The following HS6ST3 variants were observed in gnomAD, a reference collection of about 807,000 sequenced individuals.
The protein encoded by HS6ST3 is heparan sulfate 6-O-sulfotransferase 3, also known as heparan-sulfate 6-O-sulfotransferase 3.
In HS6ST3, 12 loss-of-function variants were observed where a neutral mutation model predicts 36.7. That is an observed-to-expected ratio of 0.33 (90% CI 0.21 to 0.53). HS6ST3 has a LOEUF of 0.53. Ranked by LOEUF, HS6ST3 falls within the 20% of genes least tolerant of loss-of-function variation. The pLI, the probability that HS6ST3 is intolerant of heterozygous loss-of-function variation, is 0.95. For missense variants in HS6ST3, 584 were observed against 640.9 expected, an observed-to-expected ratio of 0.91 and a Z score of 0.96; for synonymous variants, 240 against 257.5, an observed-to-expected ratio of 0.93 and a Z score of 0.65.
At chr13:96,689,597 T>G (rs1313085220) in intron 1 of HS6ST3, among the ~76,000 whole-genome samples, 2 of 77,110 alleles carry the variant, frequency 2.6e-5, no homozygotes, top group Admixed American at 3.8e-4. Flanking sequence ...GTTTTTGCTT[T>G]CTTTCTTTCT....
At chr13:96,389,989 T>G (rs927319798) in intron 1 of HS6ST3, among the ~76,000 whole-genome samples, 1 of 152,172 alleles carries the variant, frequency 6.6e-6, no homozygotes, top group Non-Finnish European at 1.5e-5. Context: ...AAACTTGGTG[T>G]GTAATTTCTT....
At chr13:96,593,249 T>A (rs1217765202) in intron 1 of HS6ST3, among the ~76,000 whole-genome samples, 20 of 136,672 alleles carry the variant, frequency 1.5e-4, no homozygotes, top group Non-Finnish European at 3.1e-4. Context: ...AGTGGTGTGA[T>A]CTTGGTTCAC....
At chr13:96,188,986 G>T (rs1312647943) in intron 1 of HS6ST3, among the ~76,000 whole-genome samples, 2 of 152,014 alleles carry the variant, frequency 1.3e-5, no homozygotes, top group East Asian at 3.8e-4. Flanking sequence ...CACGAATATG[G>T]TATTAAATCC....
At chr13:96,412,697 T>G (rs1238220391) in intron 1 of HS6ST3, among the ~76,000 whole-genome samples, 1 of 152,002 alleles carries the variant, frequency 6.6e-6, no homozygotes, top group Non-Finnish European at 1.5e-5. Flanking sequence ...AAGGTTTCTG[T>G]TGGATCTCTT....
chr13:96,628,717 CT>C (rs1163575708), intron 1 of HS6ST3, among the ~76,000 whole-genome samples: 1 of 152,000 alleles, frequency 6.6e-6, no homozygotes. Flanking sequence ...TTTTTAATCA[CT>C]TTTTTTCCTC....
At chr13:96,092,132 C>T (rs957724997) in intron 1 of HS6ST3, among the ~76,000 whole-genome samples, 6 of 152,168 alleles carry the variant, frequency 3.9e-5, no homozygotes, top group African/African-American at 7.2e-5. Context: ...AATTCCTGTT[C>T]TACCGCGATA....
rs558121292 is a variant in HS6ST3 at position 96,734,910 on chromosome 13, G to A, written c.708-97580G>A. Among the ~76,000 whole-genome samples, 6 of 152,054 alleles carry A rather than the reference G, an allele frequency of 3.9e-5. No individual in the cohort carries two copies. The South Asian group carries it at 6.2e-4, about 16-fold the overall frequency. ...TTTTTTTTCAGTTGAGGAGTCATGA[G>A]TACCTTTAAGCTTTGAGGTGCTAAT... On this transcript the variant is annotated intron_variant, in intron 1 of 1. Coordinates refer to ENST00000376705, the MANE Select transcript of HS6ST3 (RefSeq NM_153456.4).
At chr13:96,452,537 T>C (rs973775491) in intron 1 of HS6ST3, among the ~76,000 whole-genome samples, 5 of 138,484 alleles carry the variant, frequency 3.6e-5, no homozygotes, top group Admixed American at 2.8e-4. Flanking sequence ...TTTAAGAAAA[T>C]TATATTAGCT....
chr13:96,784,002 T>C (rs909797032), intron 1 of HS6ST3, among the ~76,000 whole-genome samples: 2 of 152,152 alleles, frequency 1.3e-5, no homozygotes, highest in African/African-American at 4.8e-5. Flanking sequence ...GAGGCCTCTC[T>C]TGATCTTCAT....
Position 96,147,969 on chromosome 13 carries a change from A to C in HS6ST3, c.707+56400A>C, listed in dbSNP as rs978980860. On this transcript the variant is annotated intron_variant, in intron 1 of 1. Coordinates refer to ENST00000376705, the MANE Select transcript of HS6ST3 (RefSeq NM_153456.4). ...GTGCTCTGGACAATTTTCAAATTGCAAACATTTATTCACTGATTTCACCAC... is the reference window on the plus strand; with the variant it reads ...GTGCTCTGGACAATTTTCAAATTGCCAACATTTATTCACTGATTTCACCAC... Among the ~76,000 whole-genome samples, 8 of 152,342 alleles carry C rather than the reference A, an allele frequency of 5.3e-5. No individual in the cohort carries two copies. In the South Asian group the frequency reaches 1.7e-3, roughly 32 times the overall value.
chr13:96,769,893 A>G, intron 1 of HS6ST3, among the ~76,000 whole-genome samples: 1 of 152,128 alleles, frequency 6.6e-6, no homozygotes, highest in East Asian at 1.9e-4. Context: ...CAGCAATTTA[A>G]AATAATCTAG....
intron 1 of HS6ST3, among the ~76,000 whole-genome samples, chr13:96,494,641 G>A (rs1305071738): frequency 6.6e-6 from 1 of 151,190 alleles, no homozygotes; most frequent in Non-Finnish European, 1.5e-5. Flanking sequence ...TAGAAAATTT[G>A]AAACATCCTG....
Position 96,655,720 on chromosome 13 carries a change from T to A in HS6ST3, c.708-176770T>A, listed in dbSNP as rs561826328. ...AACAAAGTCACCAAATTCCTACTGATCTTGTCCCTTCCATACTAACCAGAT... is the reference window on the plus strand; with the variant it reads ...AACAAAGTCACCAAATTCCTACTGAACTTGTCCCTTCCATACTAACCAGAT... On this transcript the variant is annotated intron_variant, in intron 1 of 1. Transcript: ENST00000376705. Among the ~76,000 whole-genome samples the A allele has an allele frequency of 8.5e-5, 13 of 152,208 alleles. No homozygotes were observed. In the South Asian group the frequency reaches 2.5e-3, roughly 29 times the overall value.
chr13:96,320,539 G>T (rs2054998102), intron 1 of HS6ST3, among the ~76,000 whole-genome samples: 1 of 152,190 alleles, frequency 6.6e-6, no homozygotes, highest in Non-Finnish European at 1.5e-5. Context: ...AACACAGAAG[G>T]CTTGAAAATG....
At chr13:96,392,517 G>T (rs931328560) in intron 1 of HS6ST3, among the ~76,000 whole-genome samples, 1 of 152,134 alleles carries the variant, frequency 6.6e-6, no homozygotes, top group Non-Finnish European at 1.5e-5. Context: ...CAGAGCGTTG[G>T]TTTGAAGGAA....
At chr13:96,831,979 A>AAAAAAAAAAAAC (rs1878805419) in intron 1 of HS6ST3, among the ~76,000 whole-genome samples, 1 of 148,560 alleles carries the variant, frequency 6.7e-6, no homozygotes. Context: ...AAAAAAAAAA[A>AAAAAAAAAAAAC]ACAGAGATTA....
chr13:96,497,061 A>G (rs1318092551), intron 1 of HS6ST3, among the ~76,000 whole-genome samples: 1 of 152,102 alleles, frequency 6.6e-6, no homozygotes, highest in Admixed American at 6.5e-5. Context: ...AGGAGTAGCC[A>G]TCACTAGTCC....
chr13:96,180,025 G>A (rs1446596772), intron 1 of HS6ST3, among the ~76,000 whole-genome samples: 2 of 152,044 alleles, frequency 1.3e-5, no homozygotes, highest in Non-Finnish European at 2.9e-5. Flanking sequence ...GGTAGAGATG[G>A]GGTTTCGCCT....
chr13:96,375,605 C>T (rs940706996), intron 1 of HS6ST3, among the ~76,000 whole-genome samples: 1 of 152,160 alleles, frequency 6.6e-6, no homozygotes, highest in African/African-American at 2.4e-5. Context: ...TAGCAGGGTG[C>T]TTATTTTGGT....
Sources: allele counts gnomAD v4.1 joint callset (sites outside exome capture counted in the v4.1 genomes callset), GRCh38; gene constraint gnomAD v4.1.1; transcripts MANE v1.5; gene names NCBI Gene and HGNC (gene_info 2026-07-23, HGNC 2026-07-21).